The following FBXL7 variants were observed in gnomAD, a reference collection of about 807,000 sequenced individuals.
FBXL7 encodes the protein F-box/LRR-repeat protein 7.
A neutral mutation model predicts 38.3 loss-of-function variants in FBXL7; 12 were observed. The ratio of observed to expected loss-of-function variants is 0.31; its 90% confidence interval spans 0.20 to 0.51. The LOEUF (loss-of-function observed/expected upper bound fraction) is 0.51, where lower values mean the gene tolerates loss of function less well. Among genes scored for constraint, FBXL7 ranks in the 20% least tolerant of loss-of-function variants. The pLI is 0.98. For synonymous variants in FBXL7, 297 were observed against 300.9 expected (o/e 0.99, Z 0.13); for missense variants, 567 against 676.4 (o/e 0.84, Z 1.79).
At chr5:15,616,418 A>C (rs1285153079) in intron 2 of FBXL7, among the ~76,000 whole-genome samples, 1 of 152,234 alleles carries the variant, frequency 6.6e-6, no homozygotes, top group Non-Finnish European at 1.5e-5. Context: ...CTGTAGTTGA[A>C]TGTTCCTGGA....
chr5:15,746,049 C>G (rs190879153), intron 2 of FBXL7, among the ~76,000 whole-genome samples: 1 of 152,140 alleles, frequency 6.6e-6, no homozygotes, highest in African/African-American at 2.4e-5. Flanking sequence ...GGTCTGTGAT[C>G]TCTGTTAGAG....
At chr5:15,716,507 C>T (rs1247489625) in intron 2 of FBXL7, among the ~76,000 whole-genome samples, 1 of 152,126 alleles carries the variant, frequency 6.6e-6, no homozygotes, top group African/African-American at 2.4e-5. Flanking sequence ...ATTAAGTTGC[C>T]CTTGAGCCTT....
intron 2 of FBXL7, among the ~76,000 whole-genome samples, chr5:15,750,173 G>T (rs1327219584): frequency 1.3e-5 from 2 of 152,190 alleles, no homozygotes; most frequent in Admixed American, 1.3e-4. Context: ...TTCCCTCAAA[G>T]AATTTATATA....
chr5:15,759,609 A>G (rs1736389070), intron 2 of FBXL7, among the ~76,000 whole-genome samples: 1 of 152,196 alleles, frequency 6.6e-6, no homozygotes, highest in Non-Finnish European at 1.5e-5. Context: ...AGGAAATGTA[A>G]ATTATCTATT....
At chr5:15,555,636 A>C (rs537030358) in intron 1 of FBXL7, among the ~76,000 whole-genome samples, 3 of 151,936 alleles carry the variant, frequency 2.0e-5, no homozygotes, top group Non-Finnish European at 4.4e-5. Context: ...CCTTTTTTTC[A>C]AGAAGAAAAT....
At chr5:15,770,642 CA>C (rs1736705907) in intron 2 of FBXL7, among the ~76,000 whole-genome samples, 1 of 152,176 alleles carries the variant, frequency 6.6e-6, no homozygotes, top group Non-Finnish European at 1.5e-5. Flanking sequence ...TACTTGAAGC[CA>C]AAAACATTTC....
chr5:15,839,720 GATC>G (rs1738691956), intron 2 of FBXL7, among the ~76,000 whole-genome samples: 1 of 151,796 alleles, frequency 6.6e-6, no homozygotes, highest in African/African-American at 2.4e-5. Flanking sequence ...TATTTAATAA[GATC>G]ATTTCTCTTA....
intron 2 of FBXL7, among the ~76,000 whole-genome samples, chr5:15,685,682 T>C (rs913514711): frequency 6.6e-6 from 1 of 152,198 alleles, no homozygotes; most frequent in African/African-American, 2.4e-5. Context: ...TGTATAACTT[T>C]ATGCCACTTC....
At chr5:15,870,087 G>A (rs181268521) in intron 2 of FBXL7, among the ~76,000 whole-genome samples, 1 of 152,218 alleles carries the variant, frequency 6.6e-6, no homozygotes, top group East Asian at 1.9e-4. Context: ...TCCAGGATGG[G>A]TGACAGAGTG....
At chr5:15,555,837 A>C (rs1416236696) in intron 1 of FBXL7, among the ~76,000 whole-genome samples, 1 of 148,652 alleles carries the variant, frequency 6.7e-6, no homozygotes, top group Non-Finnish European at 1.5e-5. Flanking sequence ...TAGATGAAAG[A>C]TAGACACAGC....
intron 2 of FBXL7, among the ~76,000 whole-genome samples, chr5:15,840,988 T>C (rs1488898610): frequency 6.6e-6 from 1 of 152,166 alleles, no homozygotes; most frequent in African/African-American, 2.4e-5. Context: ...TTAAGGCCTA[T>C]AGCAATGTCA....
chr5:15,571,001 A>G (rs376707617), intron 1 of FBXL7, among the ~76,000 whole-genome samples: 1 of 150,788 alleles, frequency 6.6e-6, no homozygotes, highest in African/African-American at 2.4e-5. Context: ...CTGAGGCAGG[A>G]GAATTGTTTG....
At chr5:15,725,884 C>G (rs1317997686) in intron 2 of FBXL7, among the ~76,000 whole-genome samples, 1 of 152,102 alleles carries the variant, frequency 6.6e-6, no homozygotes. Flanking sequence ...ATTAAATCTA[C>G]TTGGTTTATT....
chr5:15,565,390 G>A (rs1403275804), intron 1 of FBXL7, among the ~76,000 whole-genome samples: 4 of 151,962 alleles, frequency 2.6e-5, no homozygotes, highest in Non-Finnish European at 5.9e-5. Flanking sequence ...AAGAGAAAAT[G>A]GGGTCTTTGT....
At chr5:15,818,421 G>A (rs576304726) in intron 2 of FBXL7, among the ~76,000 whole-genome samples, 1 of 152,208 alleles carries the variant, frequency 6.6e-6, no homozygotes, top group East Asian at 1.9e-4. Flanking sequence ...ATTCAGATTT[G>A]TTAGAAATTT....
chr5:15,776,852 TAAATA>T (rs901431331), intron 2 of FBXL7, among the ~76,000 whole-genome samples: 4 of 152,100 alleles, frequency 2.6e-5, no homozygotes, highest in African/African-American at 9.6e-5. Context: ...TTATAGAACT[TAAATA>T]AAATGTTAGC....
intron 1 of FBXL7, among the ~76,000 whole-genome samples, chr5:15,546,287 C>A (rs1737888858): frequency 1.3e-5 from 2 of 150,526 alleles, no homozygotes; most frequent in South Asian, 2.1e-4. Context: ...GAAGTTATGG[C>A]CAGGCACGGT....
At chr5:15,894,191 G>A (rs1216712689) in intron 2 of FBXL7, among the ~76,000 whole-genome samples, 1 of 152,240 alleles carries the variant, frequency 6.6e-6, no homozygotes, top group Non-Finnish European at 1.5e-5. Flanking sequence ...AACTCAGGAG[G>A]CAGAGATTGC....
chr5:15,505,494 C>T (rs1468920808), intron 1 of FBXL7, among the ~76,000 whole-genome samples: 4 of 152,236 alleles, frequency 2.6e-5, no homozygotes. Flanking sequence ...AGATGAAGGT[C>T]CTGTCCTTGT....
Sources: allele counts gnomAD v4.1 joint callset (sites outside exome capture counted in the v4.1 genomes callset), GRCh38; gene constraint gnomAD v4.1.1; transcripts MANE v1.5; gene names NCBI Gene and HGNC (gene_info 2026-07-23, HGNC 2026-07-21).